The following ANO7 variants were observed in gnomAD, a reference collection of about 807,000 sequenced individuals.
ANO7 encodes the protein anoctamin 7, also known as anoctamin-7.
In ANO7, 114 loss-of-function variants were observed where a neutral mutation model predicts 115.8. The ratio of observed to expected loss-of-function variants is 0.98; its 90% CI spans 0.85 to 1.15. The LOEUF is 1.15. Among genes scored for constraint, ANO7 ranks in the 50% most tolerant of loss-of-function variants. ANO7 has a pLI of 0.00. For synonymous variants in ANO7, 550 were observed against 498.2 expected (o/e 1.10, Z -1.38); for missense variants, 1,302 against 1,201.2 (o/e 1.08, Z -1.24).
At chr2:241,205,510 T>G (rs3856554) in intron 10 of ANO7, among the ~76,000 whole-genome samples, 86,894 of 115,014 alleles carry the variant, frequency 0.76, 32,929 homozygotes, top group East Asian at 0.87. Context: ...GTGCTCCCAG[T>G]CTGACAGGTG....
At chr2:241,231,503 TCAAAGA>T in the ANO7 span, among the ~76,000 whole-genome samples, 3 of 151,894 alleles carry the variant, frequency 2.0e-5, no homozygotes, top group Non-Finnish European at 4.4e-5. Flanking sequence ...ACATTTGTCC[TCAAAGA>T]CAAAGGAGAG....
At chr2:241,196,080 G>A (rs552432120) in intron 4 of ANO7, 15 of 1,414,232 alleles carry the variant, frequency 1.1e-5, no homozygotes, top group South Asian at 3.1e-5. Context: ...CATGGAAGTC[G>A]GAGCCCTCAG....
intron 4 of ANO7, among the ~76,000 whole-genome samples, chr2:241,197,303 T>C (rs1313468736): frequency 6.6e-6 from 1 of 152,168 alleles, no homozygotes. Flanking sequence ...TTTCACCGTA[T>C]TGCCCAGGCT....
At chr2:241,230,090 C>T, downstream of ANO7, 1 of 1,589,316 alleles carries the variant, frequency 6.3e-7, no homozygotes, top group Non-Finnish European at 8.6e-7. This position sits in a 1 kb window ranked among gnomAD's most constrained non-coding sequence, Gnocchi z 5.0. Context: ...AAGCTCCTGG[C>T]TGGGCCTCAG....
Position 241,191,292 on chromosome 2 carries a change from C to T in ANO7, c.166+41C>T, listed in dbSNP as rs751389360. On this transcript the variant is annotated intron_variant, in intron 3 of 24. Transcript: ENST00000674324. ...CACCTGTACCACACCCGTGTTGGTC[C>T]TGAGGGTGGGGACACCACGGGGGTG... The T allele has an allele frequency of 4.3e-6, 7 of 1,610,218 alleles. No homozygotes were observed. In the East Asian group the frequency reaches 1.6e-4, roughly 36 times the overall value.
At position 241,216,164 on chromosome 2, in the gene ANO7, C is replaced by G. The variant is rs973121607; in HGVS notation, c.1898C>G (p.Ala633Gly). The G allele has an allele frequency of 6.2e-7, 1 of 1,613,328 alleles. No homozygotes were observed. Among genetic ancestry groups the G allele is most frequent in the South Asian group, 1.1e-5 (1 of 91,076 alleles). The change falls in exon 19 of 25, where the codon GCT becomes GGT. Residue 633 changes from alanine (A) to glycine (G), a missense_variant. Transcript: ENST00000674324. ...KKRKAGASAGASQGPWEDDYE... is the reference protein window; with the variant it reads ...KKRKAGASAGGSQGPWEDDYE... ...AGGAAGGCGGGAGCTTCTGCAGGGGCTAGCCAGGGGCCCTGGGAGGACGAC... is the reference window on the plus strand; with the variant it reads ...AGGAAGGCGGGAGCTTCTGCAGGGGGTAGCCAGGGGCCCTGGGAGGACGAC...
the ANO7 span, chr2:241,236,598 G>A: frequency 1.9e-6 from 3 of 1,613,122 alleles, no homozygotes; most frequent in Non-Finnish European, 2.5e-6. Flanking sequence ...GGTGGAGGGG[G>A]GCACATGGAC....
Position 241,224,270 on chromosome 2 carries a change from C to A in ANO7, c.*117C>A. On this transcript the variant is annotated 3_prime_UTR_variant, in exon 25 of 25. Coordinates refer to ENST00000674324, the MANE Select transcript of ANO7 (RefSeq NM_001370694.2). Reference sequence around the variant, plus strand: ...GTGTGAACCGCTGGCTGCTGTTGTGCCTCATCTCTGGGCACATTGCCTGCT... The same window carrying A: ...GTGTGAACCGCTGGCTGCTGTTGTGACTCATCTCTGGGCACATTGCCTGCT... The A allele has an allele frequency of 2.5e-6, 3 of 1,190,796 alleles. No homozygotes were observed. The highest frequency in any genetic ancestry group is 2.1e-5 in the Admixed American group (1 of 47,472). The allele number at this position is 1,190,796 out of a possible 1,614,324, so 73.8% of individuals were successfully genotyped here. A position where few individuals can be genotyped will look rare whatever the true frequency, so the allele number is the denominator to read the frequency against.
intron 3 of ANO7, among the ~76,000 whole-genome samples, 189 bp downstream of exon 3, chr2:241,191,440 A>C (rs1201554886): frequency 6.6e-6 from 1 of 152,024 alleles, no homozygotes; most frequent in Non-Finnish European, 1.5e-5. Flanking sequence ...AACAGCAGGA[A>C]AGGGGGCTCC....
intron 4 of ANO7, among the ~76,000 whole-genome samples, chr2:241,196,837 TCGTGTG>T (rs987845608): frequency 7.8e-6 from 1 of 128,934 alleles, no homozygotes; most frequent in African/African-American, 2.9e-5. Flanking sequence ...GTCAATTCAT[TCGTGTG>T]TGTGTGTGTG....
At chr2:241,205,315 G>A (rs116723084) in intron 10 of ANO7, among the ~76,000 whole-genome samples, 167 of 150,042 alleles carry the variant, frequency 1.1e-3, no homozygotes, top group African/African-American at 3.7e-3. Flanking sequence ...GGCTGGCACC[G>A]GTGGATAGGA....
At chr2:241,214,412 C>G (rs548176380) in intron 17 of ANO7, among the ~76,000 whole-genome samples, 92 of 152,356 alleles carry the variant, frequency 6.0e-4, no homozygotes, top group Non-Finnish European at 1.0e-3. Context: ...GCACCCCTTG[C>G]AAGGCACGTG....
intron 15 of ANO7, among the ~76,000 whole-genome samples, chr2:241,211,272 C>T (rs1472096822): frequency 2.6e-5 from 4 of 152,300 alleles, no homozygotes; most frequent in East Asian, 1.9e-4. Context: ...TGTGGGGTAT[C>T]GGCTGCTGGG....
intron 4 of ANO7, among the ~76,000 whole-genome samples, chr2:241,197,391 C>G (rs1225268591): frequency 6.6e-6 from 1 of 152,118 alleles, no homozygotes; most frequent in East Asian, 1.9e-4. Context: ...TGAGCCACCG[C>G]GCCAGGCCTA....
chr2:241,216,111 G>A lies in ANO7; in HGVS notation c.1845G>A (p.Trp615Ter), dbSNP rs1242019419. The stretch of plus-strand genomic sequence containing the variant: ...TCCCCAGGAAGCTAAAGGGCTGGTG[G>A]CAGAAGTTCCGGCTTCGCTCCAAGA... ...EVLIPKLKGW[W>*]QKFRLRSKKR... Residue 615 changes from tryptophan (W) to a stop codon, truncating the protein, a stop_gained, in exon 19 of 25, where the codon TGG becomes TGA. Transcript: ENST00000674324. LOFTEE classifies it high-confidence loss of function. 1 of 1,610,736 alleles carries A rather than the reference G, an allele frequency of 6.2e-7. No homozygotes were observed. Among genetic ancestry groups the A allele is most frequent in the Admixed American group, 1.7e-5 (1 of 59,172 alleles).
chr2:241,190,608 C>G (rs559619477), intron 2 of ANO7, among the ~76,000 whole-genome samples: 9 of 152,258 alleles, frequency 5.9e-5, no homozygotes, highest in African/African-American at 2.2e-4. Flanking sequence ...CAAGGCCATG[C>G]GGGAGGCCCT....
chr2:241,192,775 C>T (rs1156426309), intron 3 of ANO7, among the ~76,000 whole-genome samples: 2 of 152,154 alleles, frequency 1.3e-5, no homozygotes, highest in Admixed American at 6.5e-5. Flanking sequence ...CAGGCTGCAA[C>T]GGGGATGCGC....
intron 9 of ANO7, among the ~76,000 whole-genome samples, chr2:241,204,635 T>TG (rs1465811774): frequency 6.6e-6 from 1 of 152,000 alleles, no homozygotes; most frequent in Non-Finnish European, 1.5e-5. Context: ...GCACTGGTGT[T>TG]GGGGTCAATG....
At position 241,220,323 on chromosome 2, in the gene ANO7, C is replaced by T. The variant is rs537124223; in HGVS notation, c.2321+1942C>T. Among the ~76,000 whole-genome samples, 286 of 152,196 alleles carry T rather than the reference C, an allele frequency of 1.9e-3. 1 individual carries two copies. The highest frequency in any genetic ancestry group is 6.8e-3 in the Middle Eastern group (2 of 294). On this transcript the variant is annotated intron_variant, in intron 21 of 24. Coordinates refer to ENST00000674324, the MANE Select transcript of ANO7 (RefSeq NM_001370694.2). ...AAATAGCGGATATAAAAGTATAGGT[C>T]GAGTTATTTTCTCTCAGTTCTTTGG... is the stretch of plus-strand genomic sequence containing the variant.
Sources: allele counts gnomAD v4.1 joint callset (sites outside exome capture counted in the v4.1 genomes callset), GRCh38; gene constraint gnomAD v4.1.1; non-coding constraint Gnocchi (gnomAD v3.1); transcripts MANE v1.5; gene names NCBI Gene and HGNC (gene_info 2026-07-23, HGNC 2026-07-21).